Variants in MAPK10 observed in about 807,000 individuals in gnomAD.
MAPK10 encodes the protein mitogen-activated protein kinase 10.
A neutral mutation model predicts 59.3 loss-of-function variants in MAPK10; 25 were observed. The ratio of observed to expected loss-of-function variants is 0.42; its 90% CI spans 0.31 to 0.59. MAPK10 has a LOEUF of 0.59. Among genes scored for constraint, MAPK10 ranks in the 20% least tolerant of loss-of-function variants. The pLI is 0.15. For missense variants in MAPK10, 351 were observed against 568.9 expected (o/e 0.62, Z 3.90); for synonymous variants, 190 against 200.5 (o/e 0.95, Z 0.44).
chr4:86,258,137 G>A (rs1190150849), intron 2 of MAPK10, among the ~76,000 whole-genome samples: 2 of 152,056 alleles, frequency 1.3e-5, no homozygotes, highest in African/African-American at 4.8e-5. Context: ...CTTATTCTTT[G>A]TCCCACAGAG....
chr4:86,289,215 G>A (rs2095138060), intron 2 of MAPK10, among the ~76,000 whole-genome samples: 1 of 152,168 alleles, frequency 6.6e-6, no homozygotes, highest in South Asian at 2.1e-4. Context: ...ATGCTCGGAT[G>A]AGTGTGCAAA....
chr4:86,233,003 G>C (rs1365075604), intron 2 of MAPK10, among the ~76,000 whole-genome samples: 2 of 152,156 alleles, frequency 1.3e-5, no homozygotes, highest in African/African-American at 2.4e-5. Context: ...AAGCCTCCAA[G>C]ACCTTCTTGG....
At chr4:86,592,726 C>T (rs1763150364) in intron 1 of MAPK10, among the ~76,000 whole-genome samples, 1 of 152,200 alleles carries the variant, frequency 6.6e-6, no homozygotes, top group African/African-American at 2.4e-5. Flanking sequence ...CCACTTATCC[C>T]TGCTGCTGCT....
chr4:86,572,135 C>G (rs1761506982), intron 1 of MAPK10, among the ~76,000 whole-genome samples: 3 of 152,102 alleles, frequency 2.0e-5, no homozygotes, highest in African/African-American at 7.2e-5. Context: ...CTTACCAGAA[C>G]AGTGGAAACA....
chr4:86,466,779 T>C (rs1752245073), intron 1 of MAPK10, among the ~76,000 whole-genome samples: 1 of 152,206 alleles, frequency 6.6e-6, no homozygotes, highest in African/African-American at 2.4e-5. Context: ...TGTGGTTGAT[T>C]GTACCCCTGT....
intron 1 of MAPK10, among the ~76,000 whole-genome samples, chr4:86,413,420 G>C (rs1389824032): frequency 1.3e-5 from 2 of 152,200 alleles, no homozygotes; most frequent in East Asian, 3.9e-4. Flanking sequence ...GCCATGCTGG[G>C]AGAACCATTG....
intron 4 of MAPK10, among the ~76,000 whole-genome samples, chr4:86,128,931 G>A (rs986455823): frequency 1.3e-5 from 2 of 151,838 alleles, no homozygotes; most frequent in African/African-American, 2.4e-5. Flanking sequence ...CCACTAAGAC[G>A]GCAGTATAAT....
chr4:86,353,124 C>T (rs1473324928), intron 2 of MAPK10, among the ~76,000 whole-genome samples: 1 of 149,568 alleles, frequency 6.7e-6, no homozygotes, highest in African/African-American at 2.5e-5. Flanking sequence ...CTTGACTAAT[C>T]TCTACCACAT....
chr4:86,202,282 C>T (rs1235721567), intron 2 of MAPK10, among the ~76,000 whole-genome samples: 1 of 151,868 alleles, frequency 6.6e-6, no homozygotes, highest in Non-Finnish European at 1.5e-5. Flanking sequence ...GTCTTCCAGT[C>T]ACTCTTTGAT....
chr4:86,114,903 G>T (rs531944187), intron 4 of MAPK10, among the ~76,000 whole-genome samples: 3 of 152,370 alleles, frequency 2.0e-5, no homozygotes, highest in East Asian at 3.9e-4. Context: ...TGCTCAGTGA[G>T]GAGGGATGGA....
intron 1 of MAPK10, among the ~76,000 whole-genome samples, chr4:86,571,081 T>C (rs1346021917): frequency 6.6e-6 from 1 of 151,954 alleles, no homozygotes; most frequent in Non-Finnish European, 1.5e-5. Context: ...ACTCTTCCTA[T>C]AGACATGGAT....
chr4:86,554,941 C>G (rs1760141437), intron 1 of MAPK10, among the ~76,000 whole-genome samples: 1 of 152,184 alleles, frequency 6.6e-6, no homozygotes, highest in Non-Finnish European at 1.5e-5. Context: ...TTTCAAAACT[C>G]TATGCCTTTG....
At chr4:86,023,038 C>T (rs533289813) in intron 13 of MAPK10, among the ~76,000 whole-genome samples, 1 of 152,188 alleles carries the variant, frequency 6.6e-6, no homozygotes, top group East Asian at 1.9e-4. Flanking sequence ...TAAAAACTTA[C>T]TCCTATGTTT....
rs1022505578 is a variant in MAPK10, at chr4:86,450,021, G to C, written c.-122+3009C>G. ...GGAAATGCAGCCCAGCTGATCCTTTGATGTAATCTTGGGAAACTCTAAGCA... is the reference window on the plus strand; with the variant it reads ...GGAAATGCAGCCCAGCTGATCCTTTCATGTAATCTTGGGAAACTCTAAGCA... On this transcript the variant is annotated intron_variant, in intron 1 of 13. Coordinates refer to the MAPK10 transcript ENST00000361569. Among the ~76,000 whole-genome samples the C allele has an allele frequency of 3.9e-5, 6 of 152,228 alleles. No individual in the cohort carries two copies. In the East Asian group the frequency reaches 1.2e-3, roughly 29 times the overall value.
chr4:86,358,391 C>A (rs972472684), intron 1 of MAPK10: 3 of 985,282 alleles, frequency 3.0e-6, no homozygotes, highest in Non-Finnish European at 3.6e-6. Flanking sequence ...TTTCCTTCCA[C>A]CTGAACTGTA....
intron 1 of MAPK10, among the ~76,000 whole-genome samples, chr4:86,517,310 C>G (rs1474873061): frequency 3.5e-5 from 4 of 115,484 alleles, no homozygotes; most frequent in Non-Finnish European, 6.5e-5. Flanking sequence ...GAGTCTTGCT[C>G]TGTCGCCCAG....
At chr4:86,050,501 C>T (rs1006793963) in intron 11 of MAPK10, among the ~76,000 whole-genome samples, 1 of 152,132 alleles carries the variant, frequency 6.6e-6, no homozygotes, top group Non-Finnish European at 1.5e-5. Flanking sequence ...AGTGCCATGA[C>T]CTTGGTCTCC....
rs565541507 is a variant in MAPK10 at position 86,575,995 on chromosome 4, A to ATG, written c.-263+17913_-263+17914dup. Among the ~76,000 whole-genome samples the ATG allele has an allele frequency of 1.0e-3, 129 of 128,696 alleles. 1 individual carries two copies. The highest frequency in any genetic ancestry group is 3.2e-3 in the African/African-American group (113 of 35,028). 84.4% of individuals were successfully genotyped at this position (128,696 alleles called of 152,430 possible). On this transcript the variant is annotated intron_variant, in intron 1 of 4. Transcript: ENST00000502302. ...TAACATAACATAATATTGTGTGTGTATGCGTGTGTGTGTGTGTGTGTGTGT... is the reference window on the plus strand; with the variant it reads ...TAACATAACATAATATTGTGTGTGTATGTGCGTGTGTGTGTGTGTGTGTGTGT...
chr4:86,093,624 A>C (rs959920228), intron 9 of MAPK10, among the ~76,000 whole-genome samples: 1 of 151,906 alleles, frequency 6.6e-6, no homozygotes, highest in African/African-American at 2.4e-5. Context: ...TGCACATGTG[A>C]ATCTAAGTAA....
Sources: allele counts gnomAD v4.1 joint callset (sites outside exome capture counted in the v4.1 genomes callset), GRCh38; gene constraint gnomAD v4.1.1; transcripts MANE v1.5; gene names NCBI Gene and HGNC (gene_info 2026-07-23, HGNC 2026-07-21).